Variants in VWA3B observed in about 807,000 individuals in gnomAD.
VWA3B encodes von Willebrand factor A domain containing 3B.
VWA3B carries 138 observed loss-of-function variants against 158.3 expected under a neutral mutation model. The ratio of observed to expected loss-of-function variants is 0.87; its 90% CI spans 0.76 to 1.00. The LOEUF is 1.00. Among genes scored for constraint, VWA3B ranks in the 50% least tolerant of loss-of-function variants. The probability of loss-of-function intolerance (pLI) is 0.00; values close to 1 mark genes in which losing one functional copy is unlikely to be tolerated. For synonymous variants in VWA3B, 596 were observed against 587.3 expected (o/e 1.01, Z -0.21); for missense variants, 1,555 against 1,565.1 (o/e 0.99, Z 0.11).
chr2:98,270,895 G>A lies in VWA3B; in HGVS notation c.3045+12G>A, dbSNP rs773926884. On this transcript the variant is annotated intron_variant, in intron 22 of 27. Transcript: ENST00000477737. Reference sequence around the variant, plus strand: ...AGGCCCCGGGAGAGGTGGGTGCCCTGGAGGTCTCTGTCTTTCCTCCCTCTC... The same window carrying A: ...AGGCCCCGGGAGAGGTGGGTGCCCTAGAGGTCTCTGTCTTTCCTCCCTCTC... 3.1e-6 allele frequency: 5 copies of A among 1,612,630 alleles called. No individual in the cohort carries two copies. In the Admixed American group the frequency reaches 5.0e-5, roughly 16 times the overall value.
chr2:98,187,161 A>G (rs1327017671), intron 9 of VWA3B, among the ~76,000 whole-genome samples: 1 of 151,806 alleles, frequency 6.6e-6, no homozygotes, highest in African/African-American at 2.4e-5. Flanking sequence ...GCGAGGTTCT[A>G]ACTTGTCCGG....
At position 98,290,411 on chromosome 2, in the gene VWA3B, A is replaced by T; in HGVS notation, c.3046-100A>T. On this transcript the variant is annotated intron_variant, in intron 22 of 27. Coordinates refer to ENST00000477737, the MANE Select transcript of VWA3B (RefSeq NM_144992.5). ...AATTCAACATGAGATTTGGATGGGG[A>T]CACAGAGCCAAACCATATCACTAGG... The T allele has an allele frequency of 3.5e-6, 3 of 866,874 alleles. No individual in the cohort carries two copies. In the Admixed American group the frequency reaches 9.3e-5, roughly 27 times the overall value. The allele number at this position is 866,874 out of a possible 1,614,324, so 53.7% of individuals were successfully genotyped here.
intron 10 of VWA3B, among the ~76,000 whole-genome samples, chr2:98,189,049 C>A (rs10208280): frequency 0.013 from 2,039 of 152,264 alleles, 55 homozygotes; most frequent in African/African-American, 0.046. Context: ...ATTTCATTTT[C>A]AATCATTTCA....
chr2:98,147,690 A>AT (rs984728277), intron 7 of VWA3B, among the ~76,000 whole-genome samples: 11 of 150,992 alleles, frequency 7.3e-5, no homozygotes, highest in African/African-American at 9.8e-5. Context: ...TTTGGGGTGT[A>AT]TTTTTTTTCT....
intron 9 of VWA3B, among the ~76,000 whole-genome samples, chr2:98,182,084 T>C (rs1680632846): frequency 6.6e-6 from 1 of 152,186 alleles, no homozygotes; most frequent in Non-Finnish European, 1.5e-5. Context: ...TCCAGGTACA[T>C]GCTGTGAAGT....
At chr2:98,298,595 A>C (rs188358287) in intron 24 of VWA3B, among the ~76,000 whole-genome samples, 30 of 152,302 alleles carry the variant, frequency 2.0e-4, no homozygotes, top group South Asian at 8.3e-4. Flanking sequence ...AGTTAGCCCA[A>C]ATGTGCATTC....
intron 22 of VWA3B, among the ~76,000 whole-genome samples, chr2:98,275,338 A>G (rs1688457689): frequency 6.6e-6 from 1 of 152,206 alleles, no homozygotes; most frequent in Non-Finnish European, 1.5e-5. Flanking sequence ...AGAGAGGCCA[A>G]TAAACAGCCA....
intron 22 of VWA3B, among the ~76,000 whole-genome samples, chr2:98,278,209 G>A (rs371999430): frequency 6.6e-6 from 1 of 152,262 alleles, no homozygotes; most frequent in East Asian, 1.9e-4. Flanking sequence ...TACTCAGCCC[G>A]TGGCTCTCAG....
intron 22 of VWA3B, among the ~76,000 whole-genome samples, chr2:98,275,041 C>T (rs1688436861): frequency 6.6e-6 from 1 of 152,178 alleles, no homozygotes; most frequent in Non-Finnish European, 1.5e-5. Context: ...CCGTCTGCCA[C>T]GTGTTTGTTT....
At chr2:98,221,257 C>A (rs940017287) in intron 14 of VWA3B, among the ~76,000 whole-genome samples, 3 of 152,184 alleles carry the variant, frequency 2.0e-5, no homozygotes, top group Admixed American at 1.3e-4. Flanking sequence ...CCTCTCCAAC[C>A]TGGGATCTCC....
At chr2:98,186,321 T>C (rs1452911353) in intron 9 of VWA3B, among the ~76,000 whole-genome samples, 1 of 151,960 alleles carries the variant, frequency 6.6e-6, no homozygotes, top group African/African-American at 2.4e-5. Context: ...CTACACTCAT[T>C]TCCTGGGTGG....
chr2:98,215,557 G>A (rs1255457634), intron 13 of VWA3B, among the ~76,000 whole-genome samples: 2 of 150,856 alleles, frequency 1.3e-5, no homozygotes, highest in Non-Finnish European at 2.9e-5. Flanking sequence ...TGGCTCTGTC[G>A]CCCAGGCTAG....
intron 8 of VWA3B, among the ~76,000 whole-genome samples, chr2:98,169,472 A>C (rs975778103): frequency 6.6e-6 from 1 of 152,184 alleles, no homozygotes; most frequent in Non-Finnish European, 1.5e-5. Flanking sequence ...AAAAAAAAAG[A>C]AGAACAAAGA....
intron 3 of VWA3B, among the ~76,000 whole-genome samples, chr2:98,117,966 A>G (rs1330081518): frequency 6.6e-6 from 1 of 151,878 alleles, no homozygotes; most frequent in Non-Finnish European, 1.5e-5. Context: ...CGAACTCCTG[A>G]CCTCGGGTGA....
intron 7 of VWA3B, among the ~76,000 whole-genome samples, chr2:98,143,539 G>T (rs553242204): frequency 1.3e-5 from 2 of 152,156 alleles, no homozygotes; most frequent in East Asian, 3.9e-4. Context: ...GGAATAATAT[G>T]TTGTTTCTAT....
chr2:98,175,945 A>G (rs772314462), intron 8 of VWA3B, among the ~76,000 whole-genome samples: 7 of 152,124 alleles, frequency 4.6e-5, no homozygotes, highest in Non-Finnish European at 8.8e-5. Flanking sequence ...TACTTTAGCA[A>G]GTGTAGGTTG....
At chr2:98,107,613 T>C (rs972142503) in intron 2 of VWA3B, among the ~76,000 whole-genome samples, 1 of 152,114 alleles carries the variant, frequency 6.6e-6, no homozygotes, top group Non-Finnish European at 1.5e-5. Flanking sequence ...TGGTAGTTTG[T>C]TTTCTGAGGA....
chr2:98,172,170 C>T (rs1679645580), intron 8 of VWA3B, among the ~76,000 whole-genome samples: 1 of 152,210 alleles, frequency 6.6e-6, no homozygotes, highest in Non-Finnish European at 1.5e-5. Context: ...CTTGGTGTAC[C>T]AGAAGAATCG....
chr2:98,112,509 A>G (rs1170675138), intron 2 of VWA3B, among the ~76,000 whole-genome samples: 1 of 152,066 alleles, frequency 6.6e-6, no homozygotes. Flanking sequence ...GAAATCAGAC[A>G]TAATCCGTAA....
Sources: allele counts gnomAD v4.1 joint callset (sites outside exome capture counted in the v4.1 genomes callset), GRCh38; gene constraint gnomAD v4.1.1; transcripts MANE v1.5; gene names NCBI Gene and HGNC (gene_info 2026-07-23, HGNC 2026-07-21).